The following NKAIN2 variants were observed in gnomAD, a reference collection of about 807,000 sequenced individuals.
NKAIN2 encodes sodium/potassium-transporting ATPase subunit beta-1-interacting protein 2.
Under a neutral mutation model 32.6 loss-of-function variants are expected in NKAIN2, and 14 were observed. The ratio of observed to expected loss-of-function variants is 0.43; its 90% CI spans 0.28 to 0.67. The LOEUF (loss-of-function observed/expected upper bound fraction) is 0.67. Among genes scored for constraint, NKAIN2 ranks in the 30% least tolerant of loss-of-function variants. The probability of loss-of-function intolerance (pLI) is 0.17; values close to 1 mark genes in which losing one functional copy is unlikely to be tolerated. For missense variants in NKAIN2, 198 were observed against 258.3 expected (o/e 0.77, Z 1.60); for synonymous variants, 80 against 87.2 (o/e 0.92, Z 0.46).
At chr6:124,711,904 A>G (rs1431951284) in intron 4 of NKAIN2, among the ~76,000 whole-genome samples, 3 of 151,978 alleles carry the variant, frequency 2.0e-5, no homozygotes, top group African/African-American at 7.3e-5. Context: ...TCTGCGTTTT[A>G]GAGTTTCCAG....
At chr6:124,171,665 C>T (rs1268826473) in intron 1 of NKAIN2, among the ~76,000 whole-genome samples, 1 of 150,142 alleles carries the variant, frequency 6.7e-6, no homozygotes, top group Non-Finnish European at 1.5e-5. Flanking sequence ...ATTCTCCTGC[C>T]TCAGCCTCCC....
chr6:124,490,412 G>GGTT, intron 3 of NKAIN2: 2 of 312,168 alleles, frequency 6.4e-6, no homozygotes, highest in South Asian at 2.8e-5. Context: ...AATCATAGAG[G>GGTT]TTTTTTTTTT....
chr6:124,008,137 G>C (rs776618387), intron 1 of NKAIN2, among the ~76,000 whole-genome samples: 4 of 152,142 alleles, frequency 2.6e-5, no homozygotes, highest in African/African-American at 9.7e-5. Flanking sequence ...AGAATACTAG[G>C]TTTTGTTGTT....
At chr6:124,331,974 T>C (rs1185609664) in intron 2 of NKAIN2, among the ~76,000 whole-genome samples, 2 of 152,122 alleles carry the variant, frequency 1.3e-5, no homozygotes, top group East Asian at 1.9e-4. Flanking sequence ...GAATCATATG[T>C]TTAAGCTGTG....
intron 1 of NKAIN2, among the ~76,000 whole-genome samples, chr6:123,976,532 T>C (rs1778648222): frequency 6.7e-6 from 1 of 150,036 alleles, no homozygotes; most frequent in South Asian, 2.1e-4. Flanking sequence ...AATGGTGCAG[T>C]TTGCTAGAGA....
At chr6:124,771,347 G>A (rs1364175108) in intron 4 of NKAIN2, among the ~76,000 whole-genome samples, 1 of 152,048 alleles carries the variant, frequency 6.6e-6, no homozygotes, top group Admixed American at 6.6e-5. Context: ...ATCTCATTTG[G>A]AATAATATAC....
chr6:124,806,440 G>A (rs1471522973), intron 5 of NKAIN2, among the ~76,000 whole-genome samples: 3 of 151,986 alleles, frequency 2.0e-5, no homozygotes, highest in East Asian at 1.9e-4. Context: ...AGCAAATGCT[G>A]AGAGATTTTG....
At chr6:124,229,191 TG>T (rs1344743858) in intron 1 of NKAIN2, among the ~76,000 whole-genome samples, 1 of 152,142 alleles carries the variant, frequency 6.6e-6, no homozygotes, top group African/African-American at 2.4e-5. Context: ...ATGGAGGAAA[TG>T]TACCAGATAA....
At chr6:124,255,892 C>T (rs992994982) in intron 1 of NKAIN2, among the ~76,000 whole-genome samples, 11 of 152,144 alleles carry the variant, frequency 7.2e-5, no homozygotes, top group Non-Finnish European at 1.0e-4. Context: ...CATTCTGTGG[C>T]GCTGGTGTCT....
At chr6:123,833,044 G>T (rs1043991646) in intron 1 of NKAIN2, among the ~76,000 whole-genome samples, 3 of 152,076 alleles carry the variant, frequency 2.0e-5, no homozygotes, top group African/African-American at 7.2e-5. Flanking sequence ...AAGTTATCTA[G>T]ATTTTCTTCT....
At chr6:124,208,773 TTTATTTAA>T (rs987222163) in intron 1 of NKAIN2, among the ~76,000 whole-genome samples, 5 of 151,394 alleles carry the variant, frequency 3.3e-5, no homozygotes, top group African/African-American at 9.7e-5. Flanking sequence ...AAAATATTTA[TTTATTTAA>T]TTATTTTGTT....
intron 1 of NKAIN2, among the ~76,000 whole-genome samples, chr6:124,152,070 G>A (rs1034807944): frequency 5.3e-5 from 8 of 151,680 alleles, no homozygotes; most frequent in Middle Eastern, 3.2e-3. Flanking sequence ...TTTTACCCTA[G>A]AAAACTTATT....
At chr6:124,404,161 C>A (rs1773744813) in intron 3 of NKAIN2, among the ~76,000 whole-genome samples, 1 of 151,982 alleles carries the variant, frequency 6.6e-6, no homozygotes, top group Non-Finnish European at 1.5e-5. Flanking sequence ...TTATTTAAGT[C>A]TGTTGCTTGC....
chr6:124,707,994 A>G (rs1001662117), intron 4 of NKAIN2, among the ~76,000 whole-genome samples: 1 of 148,532 alleles, frequency 6.7e-6, no homozygotes, highest in Admixed American at 6.7e-5. Context: ...TTAAGTCTTT[A>G]ATCCATCTTG....
intron 4 of NKAIN2, among the ~76,000 whole-genome samples, chr6:124,764,302 A>G (rs1449794547): frequency 6.6e-6 from 1 of 152,216 alleles, no homozygotes; most frequent in Non-Finnish European, 1.5e-5. Context: ...TTTAATGCTT[A>G]TCACTAATTT....
At chr6:124,050,317 C>G (rs1254145625) in intron 1 of NKAIN2, among the ~76,000 whole-genome samples, 1 of 152,010 alleles carries the variant, frequency 6.6e-6, no homozygotes, top group Non-Finnish European at 1.5e-5. Flanking sequence ...TTCACTTAGT[C>G]TGACTGGTCA....
In NKAIN2 at chr6:124,063,468, A is replaced by C. The variant is rs1783017437; in HGVS notation, c.55-219537A>C. Among the ~76,000 whole-genome samples, 2 of 152,084 alleles carry C rather than the reference A, an allele frequency of 1.3e-5. 1 individual carries two copies. The highest frequency in any genetic ancestry group is 1.3e-4 in the Admixed American group (2 of 15,242). Reference sequence around the variant, plus strand: ...GTCATTGATCACTGATGAGACTACTAGTTCTTTCAATCTTTCTTTCTTTCA... The same window carrying C: ...GTCATTGATCACTGATGAGACTACTCGTTCTTTCAATCTTTCTTTCTTTCA... On this transcript the variant is annotated intron_variant, in intron 1 of 6. Coordinates refer to ENST00000368417, the MANE Select transcript of NKAIN2 (RefSeq NM_001040214.3).
At chr6:124,072,873 A>G (rs1231402092) in intron 1 of NKAIN2, among the ~76,000 whole-genome samples, 1 of 152,100 alleles carries the variant, frequency 6.6e-6, no homozygotes, top group African/African-American at 2.4e-5. Flanking sequence ...CCTTGCTTTC[A>G]TGGAATATAT....
intron 1 of NKAIN2, among the ~76,000 whole-genome samples, chr6:123,898,160 G>A (rs981318851): frequency 3.3e-5 from 5 of 152,042 alleles, no homozygotes; most frequent in Admixed American, 1.3e-4. Context: ...GGCCACTGGC[G>A]GACACTGATA....
Sources: gnomAD v4.1 joint callset for allele counts (sites outside exome capture counted in the v4.1 genomes callset) on GRCh38, gnomAD v4.1.1 for gene constraint, MANE v1.5 for transcripts, NCBI Gene and HGNC (gene_info 2026-07-23, HGNC 2026-07-21) for gene names.